The following PAWR variants were observed in gnomAD, a reference collection of about 807,000 sequenced individuals.
The protein encoded by PAWR is pro-apoptotic WT1 regulator.
A neutral mutation model predicts 32.0 loss-of-function variants in PAWR; 23 were observed. That is an observed-to-expected ratio of 0.72 (90% CI 0.52 to 1.02). PAWR has a LOEUF of 1.02. Ranked by LOEUF, PAWR falls within the 50% of genes least tolerant of loss-of-function variation. PAWR has a pLI of 0.00. For synonymous variants in PAWR, 226 were observed against 187.1 expected (o/e 1.21, Z -1.70); for missense variants, 457 against 437.7 (o/e 1.04, Z -0.39).
intron 2 of PAWR, among the ~76,000 whole-genome samples, chr12:79,676,684 G>A (rs1027854434): frequency 1.2e-4 from 18 of 151,918 alleles, no homozygotes; most frequent in African/African-American, 4.4e-4. Context: ...AAAAACCTTC[G>A]GGCTTGTTTT....
intron 3 of PAWR, among the ~76,000 whole-genome samples, chr12:79,618,364 A>G (rs942593593): frequency 3.9e-5 from 6 of 152,164 alleles, no homozygotes; most frequent in African/African-American, 1.2e-4. Flanking sequence ...TCTGGCATCA[A>G]GTGGTCCACC....
rs1204712391 is a variant in PAWR at position 79,591,265 on chromosome 12, C to T, written c.*1342G>A. The T allele has an allele frequency of 1.3e-5, 2 of 152,096 alleles. No homozygotes were observed. The highest frequency in any genetic ancestry group is 6.6e-5 in the Admixed American group (1 of 15,252). The allele number at this position is 152,096 out of a possible 1,614,324, so 9.4% of individuals were successfully genotyped here. A position where few individuals can be genotyped will look rare whatever the true frequency, so the allele number is the denominator to read the frequency against. On this transcript the variant is annotated 3_prime_UTR_variant, in exon 7 of 7. Coordinates refer to ENST00000328827, the MANE Select transcript of PAWR (RefSeq NM_002583.4). Reference sequence around the variant, plus strand: ...TTATCATTTACTCCACATTTTCCCCCAGCTGTCTCACCTTCTCTATTTTTC... The same window carrying T: ...TTATCATTTACTCCACATTTTCCCCTAGCTGTCTCACCTTCTCTATTTTTC...
intron 2 of PAWR, among the ~76,000 whole-genome samples, chr12:79,634,588 T>C (rs1875870619): frequency 6.6e-6 from 1 of 152,178 alleles, no homozygotes; most frequent in African/African-American, 2.4e-5. Context: ...TGAACTCAAT[T>C]TTCCAACTGC....
At chr12:79,605,351 C>A (rs1874130602) in intron 4 of PAWR, among the ~76,000 whole-genome samples, 1 of 151,910 alleles carries the variant, frequency 6.6e-6, no homozygotes, top group Non-Finnish European at 1.5e-5. Flanking sequence ...CTAGACAAGT[C>A]CAGAAAACAC....
intron 4 of PAWR, chr12:79,598,084 GAGAC>G (rs142994359): frequency 6.6e-6 from 1 of 152,360 alleles, no homozygotes; most frequent in East Asian, 1.9e-4. Flanking sequence ...CAGAGCAACT[GAGAC>G]AGAAGCTGCA....
chr12:79,605,676 C>T (rs1289792713), intron 4 of PAWR, among the ~76,000 whole-genome samples: 1 of 152,138 alleles, frequency 6.6e-6, no homozygotes, highest in Non-Finnish European at 1.5e-5. Context: ...AAGAATCTAA[C>T]ATTATGTTAC....
chr12:79,659,812 A>AT (rs568911892), intron 2 of PAWR, among the ~76,000 whole-genome samples: 2 of 152,034 alleles, frequency 1.3e-5, no homozygotes, highest in East Asian at 1.9e-4. Context: ...ATCCTGTTTA[A>AT]TTTTTTTTCT....
intron 4 of PAWR, among the ~76,000 whole-genome samples, chr12:79,606,074 A>AAAAC (rs910026031): frequency 2.0e-5 from 3 of 152,152 alleles, no homozygotes; most frequent in African/African-American, 7.2e-5. Context: ...ACTCTGCCTA[A>AAAAC]AAACAAACAA....
At position 79,628,869 on chromosome 12, in the gene PAWR, G is replaced by A. The variant is rs535272643; in HGVS notation, c.517-7662C>T. Among the ~76,000 whole-genome samples, 9 of 152,044 alleles carry A rather than the reference G, an allele frequency of 5.9e-5. No individual in the cohort carries two copies. The South Asian group carries it at 1.9e-3, about 32-fold the overall frequency. ...TAAAATGTATGGCAATGGCACAAAG[G>A]CAGGAAATAAAAGTATACCAGTGTA... On this transcript the variant is annotated intron_variant, in intron 2 of 6. Coordinates refer to ENST00000328827, the MANE Select transcript of PAWR (RefSeq NM_002583.4).
intron 2 of PAWR, among the ~76,000 whole-genome samples, chr12:79,681,410 C>CCA (rs1466129100): frequency 6.6e-6 from 1 of 151,986 alleles, no homozygotes. Flanking sequence ...AGTCATCACA[C>CCA]CATAGTACTG....
At chr12:79,618,384 C>T (rs1874846496) in intron 3 of PAWR, among the ~76,000 whole-genome samples, 1 of 152,170 alleles carries the variant, frequency 6.6e-6, no homozygotes, top group Admixed American at 6.5e-5. Flanking sequence ...CCACTTCGGC[C>T]TCCCAGAGTG....
chr12:79,670,354 A>C (rs562486445), intron 2 of PAWR, among the ~76,000 whole-genome samples: 138 of 152,312 alleles, frequency 9.1e-4, no homozygotes, highest in African/African-American at 3.1e-3. Flanking sequence ...AGCTTAAAAA[A>C]CCAAATTATC....
intron 6 of PAWR, among the ~76,000 whole-genome samples, chr12:79,593,431 C>T (rs1444372556): frequency 6.6e-6 from 1 of 152,044 alleles, no homozygotes; most frequent in Non-Finnish European, 1.5e-5. Context: ...AACACACAAC[C>T]ATCTGGTTAA....
At chr12:79,627,450 T>C (rs1875392088) in intron 2 of PAWR, among the ~76,000 whole-genome samples, 1 of 152,204 alleles carries the variant, frequency 6.6e-6, no homozygotes, top group Non-Finnish European at 1.5e-5. Flanking sequence ...TGTTTTTTTC[T>C]TGTAAATTTG....
At chr12:79,664,338 TA>T (rs963898383) in intron 2 of PAWR, among the ~76,000 whole-genome samples, 5 of 151,670 alleles carry the variant, frequency 3.3e-5, no homozygotes, top group Admixed American at 6.6e-5. Context: ...CTCCCTCAAT[TA>T]AAAAAAATAT....
At chr12:79,663,468 C>T (rs1463577886) in intron 2 of PAWR, among the ~76,000 whole-genome samples, 3 of 152,120 alleles carry the variant, frequency 2.0e-5, no homozygotes, top group Non-Finnish European at 4.4e-5. Context: ...CTTCGTGATT[C>T]TTAGGCAAAT....
chr12:79,676,331 T>C (rs1878164313), intron 2 of PAWR, among the ~76,000 whole-genome samples: 1 of 152,194 alleles, frequency 6.6e-6, no homozygotes, highest in Non-Finnish European at 1.5e-5. Context: ...AGCCAGCTTG[T>C]AGTATAAGCA....
At chr12:79,666,663 A>C (rs1029163395) in intron 2 of PAWR, among the ~76,000 whole-genome samples, 1 of 152,222 alleles carries the variant, frequency 6.6e-6, no homozygotes, top group Non-Finnish European at 1.5e-5. Flanking sequence ...AAAAATGTTA[A>C]ACAGTGGACC....
At chr12:79,658,694 G>A (rs1214300863) in intron 2 of PAWR, among the ~76,000 whole-genome samples, 1 of 152,040 alleles carries the variant, frequency 6.6e-6, no homozygotes, top group African/African-American at 2.4e-5. Context: ...GATTCAGTTG[G>A]AATGAATCTG....
Sources: gnomAD v4.1 joint callset for allele counts (sites outside exome capture counted in the v4.1 genomes callset) on GRCh38, gnomAD v4.1.1 for gene constraint, MANE v1.5 for transcripts, NCBI Gene and HGNC (gene_info 2026-07-23, HGNC 2026-07-21) for gene names.